ADAM7: variants seen among roughly 807,000 people sequenced by gnomAD.
ADAM7 encodes ADAM metallopeptidase domain 7.
Under a neutral mutation model 102.9 loss-of-function variants are expected in ADAM7, and 97 were observed. That is an observed-to-expected ratio of 0.94 (90% CI 0.80 to 1.12). The LOEUF is 1.12. Among genes scored for constraint, ADAM7 ranks in the 50% most tolerant of loss-of-function variants. The probability of loss-of-function intolerance (pLI) is 0.00; values close to 1 mark genes in which losing one functional copy is unlikely to be tolerated. For synonymous variants in ADAM7, 334 were observed against 304.4 expected, an observed-to-expected ratio of 1.10 and a Z score of -1.01; for missense variants, 991 against 908.7, an observed-to-expected ratio of 1.09 and a Z score of -1.16.
intron 16 of ADAM7, among the ~76,000 whole-genome samples, chr8:24,498,543 C>G (rs7017056): frequency 0.042 from 5,909 of 139,588 alleles, 398 homozygotes; most frequent in African/African-American, 0.14. Flanking sequence ...AATGAAAGGA[C>G]TAAGAGTATA....
rs756904193 is a variant in ADAM7, at chr8:24,493,064, C to T, written c.1677C>T (p.Ile559=). Residue 559 remains isoleucine (I), a synonymous_variant, in exon 16 of 22, where the codon ATC becomes ATT. Transcript: ENST00000175238. ...TCAGAGATGTCAGATGTGGAAAGAT[C>T]TACTGCACTGGAGGGGAGCTTTCCT... ...CEEKDVRCGK[I]YCTGGELSSL... 54 of 1,597,844 alleles carry T rather than the reference C, an allele frequency of 3.4e-5. No individual in the cohort carries two copies. In the South Asian group the frequency reaches 6.1e-4, roughly 18 times the overall value.
chr8:24,485,788 A>G (rs1820121454), intron 10 of ADAM7, among the ~76,000 whole-genome samples: 1 of 152,202 alleles, frequency 6.6e-6, no homozygotes, highest in Non-Finnish European at 1.5e-5. Context: ...TTTAGAAAGC[A>G]TAAGACCTAA....
intron 16 of ADAM7, among the ~76,000 whole-genome samples, chr8:24,498,397 T>C (rs1344952600): frequency 6.6e-6 from 1 of 151,596 alleles, no homozygotes; most frequent in African/African-American, 2.4e-5. Context: ...GATTCAAATA[T>C]ATTAATGTAA....
Position 24,466,986 on chromosome 8 carries a change from A to T in ADAM7, c.577A>T (p.Lys193Ter), listed in dbSNP as rs1208480989. The T allele has an allele frequency of 2.5e-6, 4 of 1,611,614 alleles. No homozygotes were observed. The highest frequency in any genetic ancestry group is 3.4e-6 in the Non-Finnish European group (4 of 1,177,894). Reference protein sequence around the residue: ...DNESEEDSKIKGIHDEKYVEL... With the variant: ...DNESEEDSKI ...TGAATCTGAAGAAGACTCCAAAATAAAAGTGAGTACTTTATTATTATCTTT... is the reference window on the plus strand; with the variant it reads ...TGAATCTGAAGAAGACTCCAAAATATAAGTGAGTACTTTATTATTATCTTT... The change falls in exon 6 of 22, where the codon AAA (lysine) becomes TAA (stop). Residue 193 changes from lysine to a stop codon, truncating the protein, a stop_gained and splice_region_variant. Transcript: ENST00000175238. LOFTEE classifies it high-confidence loss of function.
chr8:24,465,357 G>A (rs1171807742), intron 4 of ADAM7, among the ~76,000 whole-genome samples: 1 of 152,092 alleles, frequency 6.6e-6, no homozygotes, highest in African/African-American at 2.4e-5. Flanking sequence ...TGGAGAGAAA[G>A]GCTAGTTTCG....
intron 3 of ADAM7, among the ~76,000 whole-genome samples, chr8:24,453,138 C>T (rs1818865132): frequency 2.0e-5 from 3 of 151,872 alleles, no homozygotes; most frequent in Admixed American, 1.3e-4. Context: ...GTTGGAGTTG[C>T]TCTTCTCGAG....
At chr8:24,487,150 C>G (rs1820170110) in intron 10 of ADAM7, 37 bp from the exon 11 acceptor site, 1 of 1,604,110 alleles carries the variant, frequency 6.2e-7, no homozygotes, top group Admixed American at 1.7e-5. Context: ...AGTATGCTAA[C>G]TTTTGAAAAT....
chr8:24,465,319 G>A (rs1461283503), intron 4 of ADAM7, among the ~76,000 whole-genome samples: 1 of 152,146 alleles, frequency 6.6e-6, no homozygotes, highest in African/African-American at 2.4e-5. Context: ...GAGTAATAAA[G>A]ACACCAACTT....
chr8:24,490,884 G>T lies in ADAM7; in HGVS notation c.1352G>T (p.Cys451Phe), dbSNP rs776607613. 20 of 1,612,142 alleles carry T rather than the reference G, an allele frequency of 1.2e-5. No homozygotes were observed. In the Admixed American group the frequency reaches 1.8e-4, roughly 15 times the overall value. Residue 451 changes from cysteine to phenylalanine, a missense_variant, in exon 13 of 22, where the codon TGT becomes TTT. Transcript: ENST00000175238. Reference protein sequence around the residue: ...TCAEGECCESCQIKKAGSICR... With the variant: ...TCAEGECCESFQIKKAGSICR... ...GCAGAAGGAGAATGCTGTGAATCTT[G>T]TCAGGTAAGGTCATGTGCCAGGAGA...
At chr8:24,445,729 A>G (rs976308372) in intron 2 of ADAM7, among the ~76,000 whole-genome samples, 2 of 152,214 alleles carry the variant, frequency 1.3e-5, no homozygotes, top group Non-Finnish European at 2.9e-5. Flanking sequence ...CTTTGTTCAT[A>G]GGATAAGGCC....
At chr8:24,507,564 C>CT (rs1223839128) in intron 21 of ADAM7, 29 bp downstream of exon 21, 1 of 1,571,712 alleles carries the variant, frequency 6.4e-7, no homozygotes, top group Non-Finnish European at 8.8e-7. Context: ...TAGTACCTCC[C>CT]TTTTTTATTT....
At chr8:24,463,695 G>T (rs958143845) in intron 3 of ADAM7, among the ~76,000 whole-genome samples, 187 bp from the exon 4 acceptor site, 4 of 152,222 alleles carry the variant, frequency 2.6e-5, no homozygotes, top group South Asian at 2.1e-4. Context: ...CAGTCTTTAT[G>T]AACCATGATA....
chr8:24,464,968 G>A (rs1211175208), intron 4 of ADAM7, among the ~76,000 whole-genome samples: 1 of 151,814 alleles, frequency 6.6e-6, no homozygotes, highest in Admixed American at 6.6e-5. Flanking sequence ...TGTATTTTTA[G>A]TAGAGGCGGG....
intron 3 of ADAM7, among the ~76,000 whole-genome samples, chr8:24,461,820 C>T (rs1264451479): frequency 6.6e-6 from 1 of 152,012 alleles, no homozygotes; most frequent in Non-Finnish European, 1.5e-5. Flanking sequence ...ATAACATTTT[C>T]AATTTGTTTT....
At chr8:24,448,922 G>A (rs952199652) in intron 3 of ADAM7, among the ~76,000 whole-genome samples, 9 of 152,000 alleles carry the variant, frequency 5.9e-5, no homozygotes, top group South Asian at 4.1e-4. Context: ...TTGTTCTTGC[G>A]ATAGTTTACT....
intron 8 of ADAM7, among the ~76,000 whole-genome samples, chr8:24,477,168 T>C (rs990675025): frequency 2.6e-5 from 4 of 152,204 alleles, no homozygotes; most frequent in Admixed American, 6.5e-5. Flanking sequence ...TATTTGTATA[T>C]AGTTGTATGT....
At chr8:24,498,170 T>G (rs1402245392) in intron 16 of ADAM7, among the ~76,000 whole-genome samples, 2 of 151,858 alleles carry the variant, frequency 1.3e-5, no homozygotes, top group Non-Finnish European at 2.9e-5. Context: ...TCCATAAGAC[T>G]TTTGAGTAAA....
intron 3 of ADAM7, among the ~76,000 whole-genome samples, chr8:24,456,729 T>C (rs1819049481): frequency 1.3e-5 from 2 of 152,096 alleles, no homozygotes; most frequent in Admixed American, 1.3e-4. Context: ...GTAAGACTTT[T>C]AAAATTTAGC....
intron 10 of ADAM7, among the ~76,000 whole-genome samples, chr8:24,486,501 T>C (rs1010050081): frequency 4.6e-5 from 7 of 152,216 alleles, no homozygotes; most frequent in Admixed American, 6.5e-5. Context: ...CAATCAATAT[T>C]ACTTATTATA....
Sources: allele counts gnomAD v4.1 joint callset (sites outside exome capture counted in the v4.1 genomes callset), GRCh38; gene constraint gnomAD v4.1.1; transcripts MANE v1.5; gene names NCBI Gene and HGNC (gene_info 2026-07-23, HGNC 2026-07-21).